Variants in DIP2C observed in about 807,000 individuals in gnomAD.
The protein encoded by DIP2C is DIP2 acetate--CoA ligase C (putative), also known as disco-interacting protein 2 homolog C.
In DIP2C, 33 loss-of-function variants were observed where a neutral mutation model predicts 192.4. The observed-to-expected ratio is 0.17, with a 90% CI of 0.13 to 0.23. The LOEUF is 0.23. Among genes scored for constraint, DIP2C ranks in the 10% least tolerant of loss-of-function variants. The probability of loss-of-function intolerance (pLI) is 1.00; values close to 1 mark genes in which losing one functional copy is unlikely to be tolerated. For missense variants in DIP2C, 1,537 were observed against 2,110.1 expected (o/e 0.73, Z 5.32); for synonymous variants, 979 against 864.1 (o/e 1.13, Z -2.33).
intron 4 of DIP2C, among the ~76,000 whole-genome samples, chr10:426,933 A>C (rs1001417451): frequency 1.3e-5 from 2 of 151,628 alleles, no homozygotes; most frequent in Non-Finnish European, 2.9e-5. Context: ...AAATGAAAGA[A>C]CAGTAAGACT....
chr10:359,716 C>T (rs570127064), intron 22 of DIP2C, among the ~76,000 whole-genome samples: 4 of 152,272 alleles, frequency 2.6e-5, no homozygotes, highest in South Asian at 2.1e-4. Context: ...ACACAACACC[C>T]GGGAGACCCT....
chr10:534,668 A>ATTTT (rs66643213), intron 1 of DIP2C, among the ~76,000 whole-genome samples: 37 of 130,704 alleles, frequency 2.8e-4, no homozygotes, highest in African/African-American at 8.4e-4. Flanking sequence ...CTGGATGATT[A>ATTTT]TTATTTTTTT....
chr10:459,409 G>A (rs1969571053), intron 3 of DIP2C, among the ~76,000 whole-genome samples: 1 of 152,224 alleles, frequency 6.6e-6, no homozygotes, highest in Non-Finnish European at 1.5e-5. Flanking sequence ...CAAAGGAGGG[G>A]CAAGGCTGAA....
chr10:589,510 C>T (rs1851279643), intron 1 of DIP2C, among the ~76,000 whole-genome samples: 1 of 152,134 alleles, frequency 6.6e-6, no homozygotes, highest in South Asian at 2.1e-4. Flanking sequence ...ACAGGAATTT[C>T]TCCTTGTTTT....
intron 1 of DIP2C, among the ~76,000 whole-genome samples, chr10:544,328 T>TC (rs1434469990): frequency 6.6e-6 from 1 of 152,266 alleles, no homozygotes; most frequent in African/African-American, 2.4e-5. Flanking sequence ...ATTTTCTTTA[T>TC]CCACTCATCT....
chr10:550,103 G>A (rs906626663), intron 1 of DIP2C, among the ~76,000 whole-genome samples: 1 of 150,480 alleles, frequency 6.6e-6, no homozygotes, highest in African/African-American at 2.5e-5. Context: ...TCTGCCTCTC[G>A]GGTTCAAGTA....
intron 1 of DIP2C, among the ~76,000 whole-genome samples, chr10:522,575 CCA>C (rs768016857): frequency 2.0e-5 from 3 of 152,216 alleles, no homozygotes; most frequent in Admixed American, 6.5e-5. Context: ...TGTCGCAGTT[CCA>C]GTTTTGGCCA....
intron 19 of DIP2C, among the ~76,000 whole-genome samples, chr10:364,783 A>G (rs1473882158): frequency 6.6e-6 from 1 of 152,188 alleles, no homozygotes; most frequent in Non-Finnish European, 1.5e-5. Context: ...CCACCTCAGC[A>G]GGACCCCATC....
At chr10:503,817 T>A (rs998017016) in intron 1 of DIP2C, among the ~76,000 whole-genome samples, 2 of 152,242 alleles carry the variant, frequency 1.3e-5, no homozygotes, top group African/African-American at 4.8e-5. Flanking sequence ...ATGGTTTTCA[T>A]CACGGTTCTA....
rs540427313 is a variant in DIP2C, at chr10:340,758, G to A, written c.3584+441C>T. The A allele has an allele frequency of 3.5e-4, 158 of 457,646 alleles. 2 individuals carry two copies. Among genetic ancestry groups the A allele is most frequent in the South Asian group, 2.4e-3 (154 of 64,582 alleles). The allele number at this position is 457,646 out of a possible 1,614,324, so 28.3% of individuals were successfully genotyped here. ...GGTAGAGTGCCGCACCCCAGGGAACGCTCAGCCCTCGTGGACTCACCTCTG... is the reference window on the plus strand; with the variant it reads ...GGTAGAGTGCCGCACCCCAGGGAACACTCAGCCCTCGTGGACTCACCTCTG... On this transcript the variant is annotated intron_variant, in intron 29 of 36. Coordinates refer to ENST00000280886, the MANE Select transcript of DIP2C (RefSeq NM_014974.3).
intron 8 of DIP2C, among the ~76,000 whole-genome samples, 185 bp from the exon 9 acceptor site, chr10:409,202 A>G (rs1216985966): frequency 6.6e-6 from 1 of 152,222 alleles, no homozygotes; most frequent in East Asian, 1.9e-4. Context: ...GAGTGAAAGT[A>G]GAAAAGCATC....
chr10:407,265 A>G (rs941324834), intron 9 of DIP2C, among the ~76,000 whole-genome samples: 1 of 152,196 alleles, frequency 6.6e-6, no homozygotes, highest in Non-Finnish European at 1.5e-5. Flanking sequence ...TACTAGGCAT[A>G]GTATCTGCAA....
At chr10:409,287 T>C (rs750229198) in intron 8 of DIP2C, among the ~76,000 whole-genome samples, 1 of 151,626 alleles carries the variant, frequency 6.6e-6, no homozygotes, top group Non-Finnish European at 1.5e-5. Context: ...GCCTGTCTTC[T>C]GATCTGTCTG....
At chr10:617,223 G>A (rs147060029) in intron 1 of DIP2C, among the ~76,000 whole-genome samples, 588 of 49,780 alleles carry the variant, frequency 0.012, 5 homozygotes, top group African/African-American at 0.028. Context: ...CACGACCTCC[G>A]CCCCCCACTA....
intron 2 of DIP2C, among the ~76,000 whole-genome samples, chr10:482,929 A>C (rs1843713021): frequency 6.6e-6 from 1 of 152,250 alleles, no homozygotes; most frequent in African/African-American, 2.4e-5. Flanking sequence ...TTCTCCCTGA[A>C]GATGATCTTC....
At chr10:633,407 G>T (rs182618521) in intron 1 of DIP2C, among the ~76,000 whole-genome samples, 2 of 152,238 alleles carry the variant, frequency 1.3e-5, no homozygotes, top group East Asian at 3.9e-4. Flanking sequence ...GAGCGGACGC[G>T]GGGAGTCCGA....
At chr10:405,885 T>G (rs2133056435) in intron 9 of DIP2C, among the ~76,000 whole-genome samples, 1 of 152,292 alleles carries the variant, frequency 6.6e-6, no homozygotes, top group East Asian at 1.9e-4. Context: ...CCACGCTACT[T>G]CCTGGAACCC....
At chr10:665,226 A>G (rs940688494) in intron 1 of DIP2C, 1 of 152,246 alleles carries the variant, frequency 6.6e-6, no homozygotes, top group African/African-American at 2.4e-5. Flanking sequence ...CATAAAATAT[A>G]CATATATACC....
At chr10:401,769 T>G (rs1327878486) in intron 9 of DIP2C, among the ~76,000 whole-genome samples, 1 of 150,660 alleles carries the variant, frequency 6.6e-6, no homozygotes, top group Non-Finnish European at 1.5e-5. Context: ...GCATTAGCAT[T>G]ACTCTTCCTT....
Sources: gnomAD v4.1 joint callset for allele counts (sites outside exome capture counted in the v4.1 genomes callset) on GRCh38, gnomAD v4.1.1 for gene constraint, MANE v1.5 for transcripts, NCBI Gene and HGNC (gene_info 2026-07-23, HGNC 2026-07-21) for gene names.